TDRD7: variants seen among roughly 807,000 people sequenced by gnomAD.
TDRD7 encodes the protein tudor domain containing 7.
TDRD7 carries 47 observed loss-of-function variants against 109.8 expected under a neutral mutation model. The ratio of observed to expected loss-of-function variants is 0.43; its 90% CI spans 0.34 to 0.55. TDRD7 has a LOEUF of 0.55. Among genes scored for constraint, TDRD7 ranks in the 20% least tolerant of loss-of-function variants. The pLI, the probability that TDRD7 is intolerant of heterozygous loss-of-function variation, is 0.03. For synonymous variants in TDRD7, 424 were observed against 457.3 expected (o/e 0.93, Z 0.93); for missense variants, 1,164 against 1,319.2 (o/e 0.88, Z 1.82).
chr9:97,481,274 A>T (rs938526282), intron 14 of TDRD7, among the ~76,000 whole-genome samples: 2 of 152,220 alleles, frequency 1.3e-5, no homozygotes, highest in African/African-American at 2.4e-5. Flanking sequence ...CTCTTGATAA[A>T]TGTTTCTAAA....
At position 97,480,879 on chromosome 9, in the gene TDRD7, C is replaced by G; in HGVS notation, c.2353C>G (p.Pro785Ala). The change falls in exon 14 of 17, where the codon CCA (proline) becomes GCA (alanine). Residue 785 changes from proline to alanine, a missense_variant. Transcript: ENST00000355295. ...TCCACAATCTATTGGCATGTGGACA[C>G]CAGATGCAGTGCTGTGGTTAAGAGA... Reference protein sequence around the residue: ...DLPQSIGMWTPDAVLWLRDSV... With the variant: ...DLPQSIGMWTADAVLWLRDSV... 6.2e-7 allele frequency: 1 copy of G among 1,614,118 alleles called. No homozygotes were observed. Among genetic ancestry groups the G allele is most frequent in the Middle Eastern group, 1.6e-4 (1 of 6,062 alleles).
chr9:97,451,258 CTTTAA>C (rs1436444342), intron 6 of TDRD7, among the ~76,000 whole-genome samples: 2 of 151,970 alleles, frequency 1.3e-5, no homozygotes, highest in East Asian at 3.9e-4. Context: ...TTGTAATATC[CTTTAA>C]TTTATACATA....
chr9:97,416,413 G>A (rs1827811559), intron 1 of TDRD7, among the ~76,000 whole-genome samples: 1 of 152,166 alleles, frequency 6.6e-6, no homozygotes, highest in Admixed American at 6.5e-5. Context: ...AAAAGCTGTT[G>A]TGAATTTAAT....
At chr9:97,448,770 CTTAAT>C (rs1190002220) in intron 6 of TDRD7, among the ~76,000 whole-genome samples, 1 of 152,132 alleles carries the variant, frequency 6.6e-6, no homozygotes, top group Non-Finnish European at 1.5e-5. Flanking sequence ...AAATTTAGAA[CTTAAT>C]TTAAAACTTC....
At chr9:97,465,365 A>G (rs955645782) in intron 8 of TDRD7, among the ~76,000 whole-genome samples, 1 of 152,224 alleles carries the variant, frequency 6.6e-6, no homozygotes, top group African/African-American at 2.4e-5. Context: ...CAAGGCCAGT[A>G]CTTCGGAGTG....
intron 1 of TDRD7, among the ~76,000 whole-genome samples, chr9:97,415,955 G>A (rs1827804200): frequency 6.6e-6 from 1 of 152,202 alleles, no homozygotes; most frequent in African/African-American, 2.4e-5. Context: ...AAGTGATATA[G>A]TTTAGAAAAT....
chr9:97,486,782 C>CA (rs1488183208), intron 15 of TDRD7, among the ~76,000 whole-genome samples: 1 of 152,170 alleles, frequency 6.6e-6, no homozygotes, highest in Non-Finnish European at 1.5e-5. Context: ...CAAGCATGTA[C>CA]CATATCCAAA....
chr9:97,463,837 A>G (rs1030204956), intron 7 of TDRD7, among the ~76,000 whole-genome samples: 3 of 152,244 alleles, frequency 2.0e-5, no homozygotes, highest in African/African-American at 7.2e-5. Flanking sequence ...AATCCTGAAA[A>G]AAAATATTTC....
At chr9:97,491,571 C>G (rs1199038502) in intron 16 of TDRD7, among the ~76,000 whole-genome samples, 4 of 152,094 alleles carry the variant, frequency 2.6e-5, no homozygotes, top group African/African-American at 9.7e-5. Flanking sequence ...GTTATGTAGT[C>G]CTATGATTAG....
At chr9:97,440,379 G>A (rs928875404) in intron 5 of TDRD7, among the ~76,000 whole-genome samples, 37 of 152,342 alleles carry the variant, frequency 2.4e-4, no homozygotes, top group African/African-American at 8.2e-4. Context: ...CACAGAGCAA[G>A]TGCATTTGCA....
At chr9:97,415,070 G>C (rs1827789750) in intron 1 of TDRD7, among the ~76,000 whole-genome samples, 1 of 152,198 alleles carries the variant, frequency 6.6e-6, no homozygotes, top group Admixed American at 6.5e-5. Context: ...GAGATATCCA[G>C]ATACTTCAAA....
rs1190353350 is a variant in TDRD7 at position 97,412,731 on chromosome 9, C to T, written c.-7+493C>T. On this transcript the variant is annotated intron_variant, in intron 1 of 16. Transcript: ENST00000355295. This position sits in a 1 kb window ranked among gnomAD's most constrained non-coding sequence, Gnocchi z 4.3. ...CTTGAAGGTCTCTATAATCTGGAGACGAGCCCCAGGCAGGCCGCTTAAGTA... is the reference window on the plus strand; with the variant it reads ...CTTGAAGGTCTCTATAATCTGGAGATGAGCCCCAGGCAGGCCGCTTAAGTA... Among the ~76,000 whole-genome samples the T allele has an allele frequency of 2.6e-5, 4 of 152,196 alleles. No individual in the cohort carries two copies. The highest frequency in any genetic ancestry group is 4.4e-5 in the Non-Finnish European group (3 of 68,040).
rs550026443 is a variant in TDRD7 at position 97,412,706 on chromosome 9, C to T, written c.-7+468C>T. On this transcript the variant is annotated intron_variant, in intron 1 of 16. Transcript: ENST00000355295. The surrounding 1 kb of genome is among the most constrained non-coding windows in gnomAD (Gnocchi z 4.3). Reference sequence around the variant, plus strand: ...CAAGTATTTTACACCACGAACTTCTCTTGAAGGTCTCTATAATCTGGAGAC... The same window carrying T: ...CAAGTATTTTACACCACGAACTTCTTTTGAAGGTCTCTATAATCTGGAGAC... Among the ~76,000 whole-genome samples, 3 of 152,340 alleles carry T rather than the reference C, an allele frequency of 2.0e-5. No homozygotes were observed. In the South Asian group the frequency reaches 6.2e-4, roughly 32 times the overall value.
intron 3 of TDRD7, among the ~76,000 whole-genome samples, chr9:97,431,715 G>A (rs1302633118): frequency 3.9e-5 from 6 of 152,158 alleles, no homozygotes; most frequent in Non-Finnish European, 7.4e-5. Context: ...TTATGGGGAA[G>A]AGACGGGAGG....
intron 12 of TDRD7, among the ~76,000 whole-genome samples, chr9:97,477,740 T>A (rs1829046758): frequency 6.6e-6 from 1 of 152,144 alleles, no homozygotes; most frequent in Admixed American, 6.6e-5. Context: ...AGGTAATTAT[T>A]GTTTTGACCC....
intron 4 of TDRD7, among the ~76,000 whole-genome samples, chr9:97,438,204 A>G (rs1315091223): frequency 1.3e-5 from 2 of 152,200 alleles, no homozygotes; most frequent in Non-Finnish European, 2.9e-5. Context: ...ACACAGATAT[A>G]TTAATATAGA....
At chr9:97,492,717 C>T (rs183405327) in intron 16 of TDRD7, among the ~76,000 whole-genome samples, 4 of 152,360 alleles carry the variant, frequency 2.6e-5, no homozygotes, top group Admixed American at 6.5e-5. Context: ...TTTCTAGGCT[C>T]ACCTCTGCCA....
intron 8 of TDRD7, among the ~76,000 whole-genome samples, chr9:97,466,635 T>C (rs974025648): frequency 2.0e-5 from 3 of 152,204 alleles, no homozygotes; most frequent in Non-Finnish European, 4.4e-5. Context: ...ACTACTGATA[T>C]AAATAGTTTC....
intron 2 of TDRD7, among the ~76,000 whole-genome samples, chr9:97,430,316 T>C (rs569955773): frequency 1.3e-5 from 2 of 152,334 alleles, no homozygotes; most frequent in Admixed American, 1.3e-4. Context: ...TAGCAGCCCC[T>C]TGAGGCCTCT....
Sources: allele counts gnomAD v4.1 joint callset (sites outside exome capture counted in the v4.1 genomes callset), GRCh38; gene constraint gnomAD v4.1.1; non-coding constraint Gnocchi (gnomAD v3.1); transcripts MANE v1.5; gene names NCBI Gene and HGNC (gene_info 2026-07-23, HGNC 2026-07-21).